Variants in KLB observed in about 807,000 individuals in gnomAD.
The protein encoded by KLB is beta-klotho.
In KLB, 44 loss-of-function variants were observed where a neutral mutation model predicts 88.4. The ratio of observed to expected loss-of-function variants is 0.50; its 90% CI spans 0.39 to 0.64. KLB has a LOEUF of 0.64. KLB is among the 30% of genes least tolerant of loss of function. KLB has a pLI of 0.00. For synonymous variants in KLB, 548 were observed against 513.4 expected (o/e 1.07, Z -0.91); for missense variants, 1,137 against 1,304.8 (o/e 0.87, Z 1.98).
intron 3 of KLB, among the ~76,000 whole-genome samples, chr4:39,441,375 T>C (rs1013002028): frequency 1.3e-5 from 2 of 152,160 alleles, no homozygotes; most frequent in South Asian, 2.1e-4. Context: ...ATCACTTTAA[T>C]TGGGTTTATA....
chr4:39,414,443 C>T (rs1456343277), intron 1 of KLB, among the ~76,000 whole-genome samples: 3 of 152,032 alleles, frequency 2.0e-5, no homozygotes, highest in Non-Finnish European at 4.4e-5. Flanking sequence ...TTGTGAAATA[C>T]TTGAAAGAGC....
Position 39,411,516 on chromosome 4 carries a change from G to A in KLB, c.825+3742G>A, listed in dbSNP as rs1742847289. ...AAATAGAATGAGGATGTATTTTTTG[G>A]CTTGGCCATTTTTTTTTTTTTAAGA... is the stretch of plus-strand genomic sequence containing the variant. On this transcript the variant is annotated intron_variant, in intron 1 of 4. Transcript: ENST00000257408. Among the ~76,000 whole-genome samples the A allele has an allele frequency of 2.7e-5, 4 of 146,786 alleles. No individual in the cohort carries two copies. In the South Asian group the frequency reaches 8.7e-4, roughly 32 times the overall value.
chr4:39,411,043 G>A (rs759197079), intron 1 of KLB, among the ~76,000 whole-genome samples: 38 of 151,664 alleles, frequency 2.5e-4, no homozygotes, highest in Middle Eastern at 6.8e-3. Flanking sequence ...CCAACTCTAA[G>A]TTTTTGTTTT....
rs1172360961 is a variant in KLB, at chr4:39,426,477, A to G, written c.826-7733A>G. The stretch of plus-strand genomic sequence containing the variant: ...TGGACCATTAAAAATAGGATGGTGA[A>G]TATTTTCTTTATGAAAGGCTGTAAC... On this transcript the variant is annotated intron_variant, in intron 1 of 4. Coordinates refer to ENST00000257408, the MANE Select transcript of KLB (RefSeq NM_175737.4). Among the ~76,000 whole-genome samples the G allele has an allele frequency of 2.0e-5, 3 of 151,364 alleles. No individual in the cohort carries two copies. The East Asian group carries it at 5.8e-4, about 29-fold the overall frequency.
At chr4:39,427,633 C>G (rs1006544812) in intron 1 of KLB, among the ~76,000 whole-genome samples, 1 of 152,134 alleles carries the variant, frequency 6.6e-6, no homozygotes, top group Non-Finnish European at 1.5e-5. Flanking sequence ...TGTTCAGCCA[C>G]GAGCCTTGGC....
In KLB at chr4:39,447,482, G is replaced by A. The variant is rs1359312086; in HGVS notation, c.2749+7G>A. The A allele has an allele frequency of 1.3e-6, 2 of 1,551,006 alleles. No individual in the cohort carries two copies. The highest frequency in any genetic ancestry group is 1.4e-5 in the African/African-American group (1 of 73,382). ...CTTCAGGAGGTGCTGAAAGGTAAGG[G>A]CGGGGCCCCTTCAGACACAGGGCAG... On this transcript the variant is annotated splice_region_variant and intron_variant, in intron 4 of 4. Coordinates refer to ENST00000257408, the MANE Select transcript of KLB (RefSeq NM_175737.4).
At chr4:39,422,523 A>G (rs145264696) in intron 1 of KLB, among the ~76,000 whole-genome samples, 115 of 152,268 alleles carry the variant, frequency 7.6e-4, no homozygotes, top group Non-Finnish European at 9.7e-4. Context: ...TTCAGTGAGG[A>G]TTAGGTGAGA....
At chr4:39,413,018 C>CA (rs1270678784) in intron 1 of KLB, among the ~76,000 whole-genome samples, 1 of 152,090 alleles carries the variant, frequency 6.6e-6, no homozygotes, top group Non-Finnish European at 1.5e-5. Flanking sequence ...TTGGCTAAAG[C>CA]AAAAAGGGGC....
chr4:39,407,360 C>T lies in KLB; in HGVS notation c.411C>T (p.Asp137=), dbSNP rs1742753121. The T allele has an allele frequency of 6.2e-7, 1 of 1,613,974 alleles. No individual in the cohort carries two copies. The highest frequency in any genetic ancestry group is 1.7e-5 in the Admixed American group (1 of 59,982). Residue 137 remains aspartate, a synonymous_variant, in exon 1 of 5, where the codon GAC becomes GAT. Transcript: ENST00000257408. The part of the protein sequence containing the change: ...SSDSYIFLEK[D]LSALDFIGVS... ...ACAGTTATATTTTTCTGGAAAAAGACTTATCAGCCCTGGATTTTATAGGAG... is the reference window on the plus strand; with the variant it reads ...ACAGTTATATTTTTCTGGAAAAAGATTTATCAGCCCTGGATTTTATAGGAG...
chr4:39,444,082 G>A (rs939258062), intron 3 of KLB, among the ~76,000 whole-genome samples: 4 of 150,220 alleles, frequency 2.7e-5, no homozygotes, highest in Non-Finnish European at 5.9e-5. Flanking sequence ...GCTTGAACCC[G>A]GGGGGCGGAG....
rs960544605 is a variant in KLB, at chr4:39,450,890, A to G, written c.*2204A>G. The stretch of plus-strand genomic sequence containing the variant: ...AAAAAAAAAAAGGTTAGCCACAGGA[A>G]TAACAAAAACCTGGAATTTATCTTT... On this transcript the variant is annotated 3_prime_UTR_variant, in exon 5 of 5. Coordinates refer to ENST00000257408, the MANE Select transcript of KLB (RefSeq NM_175737.4). 6.6e-6 allele frequency: 1 copy of G among 151,188 alleles called. No homozygotes were observed. Among genetic ancestry groups the G allele is most frequent in the Non-Finnish European group, 1.5e-5 (1 of 67,882 alleles). The allele number at this position is 151,188 out of a possible 1,614,324, so 9.4% of individuals were successfully genotyped here.
intron 3 of KLB, chr4:39,441,803 T>TAAAGAAAG (rs1447273736): frequency 1.3e-5 from 2 of 149,614 alleles, no homozygotes; most frequent in African/African-American, 4.9e-5. Context: ...AATAAATAAA[T>TAAAGAAAG]AAATAAAGAT....
At position 39,437,712 on chromosome 4, in the gene KLB, C is replaced by T; in HGVS notation, c.1337-15C>T. The T allele has an allele frequency of 1.3e-6, 2 of 1,591,056 alleles. No homozygotes were observed. Among genetic ancestry groups the T allele is most frequent in the Non-Finnish European group, 1.7e-6 (2 of 1,166,380 alleles). On this transcript the variant is annotated splice_polypyrimidine_tract_variant and intron_variant, in intron 2 of 4. Coordinates refer to ENST00000257408, the MANE Select transcript of KLB (RefSeq NM_175737.4). ...TTAGGCCTCTGAACATCTCTGCTTT[C>T]TTTTCTCTGTGCAGCAATAAGGTTA...
In KLB at chr4:39,407,685, G is replaced by A; in HGVS notation, c.736G>A (p.Ala246Thr). 6.2e-7 allele frequency: 1 copy of A among 1,614,018 alleles called. No homozygotes were observed. Among genetic ancestry groups the A allele is most frequent in the Non-Finnish European group, 8.5e-7 (1 of 1,179,924 alleles). Residue 246 changes from alanine (A) to threonine (T), a missense_variant, in exon 1 of 5, where the codon GCT becomes ACT. This residue lies in a region of KLB where 597 missense variants were observed against 765.2 expected (regional missense o/e 0.78). Coordinates refer to ENST00000257408, the MANE Select transcript of KLB (RefSeq NM_175737.4). Reference protein sequence around the residue: ...WITIHNPYLVAWHGYGTGMHA... With the variant: ...WITIHNPYLVTWHGYGTGMHA... ...TACAATTCACAACCCATATCTAGTG[G>A]CTTGGCATGGGTATGGGACAGGTAT...
Position 39,447,235 on chromosome 4 carries a change from G to C in KLB, c.2509G>C (p.Ala837Pro). Residue 837 changes from alanine (A) to proline (P), a missense_variant, in exon 4 of 5, where the codon GCC (alanine) becomes CCC (proline). Ala to Pro is a conservative substitution (Grantham distance 27). Transcript: ENST00000257408. Reference sequence around the variant, plus strand: ...TAGGTTCGTGATGCACGAGCAGCTGGCCGGCAGCCGCTACGACTCGGACAG... The same window carrying C: ...TAGGTTCGTGATGCACGAGCAGCTGCCCGGCAGCCGCTACGACTCGGACAG... ...TTRFVMHEQL[A>P]GSRYDSDRDI... The C allele has an allele frequency of 1.2e-6, 2 of 1,614,086 alleles. No individual in the cohort carries two copies. Among genetic ancestry groups the C allele is most frequent in the Non-Finnish European group, 1.7e-6 (2 of 1,180,048 alleles).
chr4:39,430,460 A>G (rs1251102210), intron 1 of KLB, among the ~76,000 whole-genome samples: 1 of 151,476 alleles, frequency 6.6e-6, no homozygotes, highest in Non-Finnish European at 1.5e-5. Context: ...CTAGCCCCAG[A>G]AAAACCCGGA....
chr4:39,417,429 C>G (rs1314683539), intron 1 of KLB, among the ~76,000 whole-genome samples: 1 of 152,162 alleles, frequency 6.6e-6, no homozygotes, highest in African/African-American at 2.4e-5. Context: ...ATTCTCCTGT[C>G]TCAGCCTCTG....
At chr4:39,422,492 A>G (rs966995457) in intron 1 of KLB, among the ~76,000 whole-genome samples, 2 of 152,158 alleles carry the variant, frequency 1.3e-5, no homozygotes, top group African/African-American at 4.8e-5. Flanking sequence ...GGGAATGATC[A>G]CAGTACCTAC....
Position 39,446,909 on chromosome 4 carries a change from G to A in KLB, c.2183G>A (p.Arg728Gln), listed in dbSNP as rs17618244. ...GCCCTGGCCTGGCGCCTCTACGACC[G>A]GCAGTTCAGGCCCTCACAGCGCGGG... ...AHALAWRLYDRQFRPSQRGAV... is the reference protein window; with the variant it reads ...AHALAWRLYDQQFRPSQRGAV... The change falls in exon 4 of 5, where the codon CGG becomes CAG. Residue 728 changes from arginine to glutamine, a missense_variant. By Grantham distance (43) the Arg-to-Gln change is conservative (BLOSUM62 1). This residue lies in a region of KLB where 426 missense variants were observed against 404.6 expected (regional missense o/e 1.05). Coordinates refer to ENST00000257408, the MANE Select transcript of KLB (RefSeq NM_175737.4). The surrounding 1 kb of genome is among the most constrained non-coding windows in gnomAD (Gnocchi z 6.4). 0.18 allele frequency: 294,119 copies of A among 1,605,394 alleles called. 27,915 individuals are homozygous for A. Among genetic ancestry groups the A allele is most frequent in the Middle Eastern group, 0.21 (1,282 of 6,052 alleles).
Sources: allele counts gnomAD v4.1 joint callset (sites outside exome capture counted in the v4.1 genomes callset), GRCh38; gene constraint gnomAD v4.1.1; regional missense constraint gnomAD v4.1.1; non-coding constraint Gnocchi (gnomAD v3.1); transcripts MANE v1.5; gene names NCBI Gene and HGNC (gene_info 2026-07-23, HGNC 2026-07-21).